The following DPYD variants were observed in gnomAD, a reference collection of about 807,000 sequenced individuals.
DPYD encodes the protein dihydropyrimidine dehydrogenase, also known as dihydropyrimidine dehydrogenase [NADP(+)].
DPYD carries 109 observed loss-of-function variants against 116.2 expected under a neutral mutation model. That is an observed-to-expected ratio of 0.94 (90% CI 0.80 to 1.10). DPYD has a LOEUF of 1.10. Among genes scored for constraint, DPYD ranks in the 50% least tolerant of loss-of-function variants. DPYD has a pLI of 0.00. For missense variants in DPYD, 1,302 were observed against 1,254.5 expected (o/e 1.04, Z -0.57); for synonymous variants, 440 against 432.0 (o/e 1.02, Z -0.23).
intron 14 of DPYD, among the ~76,000 whole-genome samples, chr1:97,412,379 C>T (rs545451216): frequency 7.9e-5 from 12 of 152,266 alleles, no homozygotes; most frequent in African/African-American, 2.9e-4. Flanking sequence ...TTCTAAGAAA[C>T]TACAATAAGG....
chr1:97,908,285 A>G (rs1184436242), intron 1 of DPYD, among the ~76,000 whole-genome samples: 2 of 151,990 alleles, frequency 1.3e-5, no homozygotes, highest in Non-Finnish European at 2.9e-5. Context: ...AGTTCAAACA[A>G]TCCACACCAC....
chr1:97,078,972 C>T lies in DPYD; in HGVS notation c.*4G>A. 2 of 1,613,538 alleles carry T rather than the reference C, an allele frequency of 1.2e-6. No homozygotes were observed. Among genetic ancestry groups the T allele is most frequent in the Non-Finnish European group, 1.7e-6 (2 of 1,179,564 alleles). ...AGTTCACAGCAACTGTTTCACAAAT[C>T]ACCTTAACACACCGGATTCACAGAT... On this transcript the variant is annotated 3_prime_UTR_variant, in exon 23 of 23. Coordinates refer to ENST00000370192, the MANE Select transcript of DPYD (RefSeq NM_000110.4).
chr1:97,661,990 CTTTTTTT>C (rs374466952), intron 8 of DPYD, among the ~76,000 whole-genome samples: 10 of 116,622 alleles, frequency 8.6e-5, no homozygotes, highest in African/African-American at 1.6e-4. Flanking sequence ...TCCAAGTCAA[CTTTTTTT>C]TTTTTTTTTT....
chr1:97,616,890 T>C (rs1656306691), intron 8 of DPYD, among the ~76,000 whole-genome samples: 1 of 152,172 alleles, frequency 6.6e-6, no homozygotes, highest in Non-Finnish European at 1.5e-5. Context: ...ATGAAAGTTT[T>C]ATTTCTTTTT....
rs576544756 is a variant in DPYD, at chr1:97,242,366, C to G, written c.2300-7372G>C. 4.0e-5 allele frequency among the ~76,000 whole-genome samples: 6 copies of G among 150,732 alleles called. No homozygotes were observed. The Middle Eastern group carries it at 0.014, about 349-fold the overall frequency. The stretch of plus-strand genomic sequence containing the variant: ...TTCCAGAAAACCTTTAAAATTGACA[C>G]GCAAATAGCTCTAATTTATAATGTT... On this transcript the variant is annotated intron_variant, in intron 18 of 22. Transcript: ENST00000370192.
At chr1:97,594,958 G>A in intron 9 of DPYD, 101 bp downstream of exon 9, 1 of 885,120 alleles carries the variant, frequency 1.1e-6, no homozygotes, top group Non-Finnish European at 1.8e-6. Context: ...AAGGTTGGGT[G>A]TGAGAGCTGA....
chr1:97,819,035 T>C (rs1160482413), intron 3 of DPYD, among the ~76,000 whole-genome samples: 1 of 152,016 alleles, frequency 6.6e-6, no homozygotes, highest in Non-Finnish European at 1.5e-5. Flanking sequence ...TTATGTAAAG[T>C]AATCATGCAC....
At chr1:97,778,675 AG>A (rs1374175095) in intron 3 of DPYD, among the ~76,000 whole-genome samples, 1 of 152,188 alleles carries the variant, frequency 6.6e-6, no homozygotes, top group Non-Finnish European at 1.5e-5. Flanking sequence ...CCATAACAAA[AG>A]GCATTTATTT....
intron 14 of DPYD, among the ~76,000 whole-genome samples, chr1:97,424,363 G>T (rs1674748699): frequency 6.6e-6 from 1 of 151,970 alleles, no homozygotes; most frequent in South Asian, 2.1e-4. Context: ...TTCACCTCCT[G>T]AATAGAAAAG....
intron 8 of DPYD, among the ~76,000 whole-genome samples, chr1:97,602,828 A>C (rs1316510381): frequency 1.3e-5 from 2 of 151,964 alleles, no homozygotes; most frequent in Non-Finnish European, 2.9e-5. Context: ...ATTTTATAAT[A>C]TTGCAATTTG....
intron 16 of DPYD, among the ~76,000 whole-genome samples, chr1:97,328,593 TA>T (rs1182516091): frequency 6.6e-6 from 1 of 152,148 alleles, no homozygotes; most frequent in African/African-American, 2.4e-5. Context: ...AACAGATGAA[TA>T]AATGAATACT....
chr1:97,515,618 T>C, intron 13 of DPYD, 108 bp downstream of exon 13: 1 of 965,884 alleles, frequency 1.0e-6, no homozygotes. Flanking sequence ...TCTTGTCAAA[T>C]AGTTTAATAA....
At chr1:97,469,151 A>G (rs1557733751) in intron 13 of DPYD, among the ~76,000 whole-genome samples, 1 of 152,162 alleles carries the variant, frequency 6.6e-6, no homozygotes, top group Non-Finnish European at 1.5e-5. Context: ...TATCCAGCTC[A>G]TTAGGAACAA....
intron 20 of DPYD, among the ~76,000 whole-genome samples, chr1:97,158,788 T>C (rs1655676618): frequency 6.6e-6 from 1 of 152,112 alleles, no homozygotes; most frequent in Non-Finnish European, 1.5e-5. Flanking sequence ...GCATATGTAT[T>C]CTACCCAAAT....
At chr1:97,499,240 T>C (rs1180723889) in intron 13 of DPYD, among the ~76,000 whole-genome samples, 1 of 151,784 alleles carries the variant, frequency 6.6e-6, no homozygotes, top group African/African-American at 2.4e-5. Context: ...GTAAATTTGG[T>C]AAATTCATTT....
At chr1:97,857,199 T>C (rs533584854) in intron 2 of DPYD, among the ~76,000 whole-genome samples, 2 of 152,296 alleles carry the variant, frequency 1.3e-5, no homozygotes, top group South Asian at 2.1e-4. Context: ...ATGGAGTATA[T>C]GTCTTAAAAG....
chr1:97,180,035 C>A (rs1445335902), intron 20 of DPYD, among the ~76,000 whole-genome samples: 2 of 152,094 alleles, frequency 1.3e-5, no homozygotes, highest in Non-Finnish European at 2.9e-5. Flanking sequence ...TTCCTAAGCT[C>A]CCAGGGTTTT....
chr1:97,130,570 C>T (rs2101665922), intron 20 of DPYD, among the ~76,000 whole-genome samples: 1 of 152,254 alleles, frequency 6.6e-6, no homozygotes, highest in Non-Finnish European at 1.5e-5. Context: ...CTTACATACA[C>T]ATAGATACTA....
rs71939887 is a variant in DPYD at position 97,349,945 on chromosome 1, C to CAAAAA, written c.2058+23611_2058+23615dup. ...AAGTGGCAATGATTCTAAAAGAATC[C>CAAAAA]AAAAAAAAAAAAAATGCTGCAGATT... On this transcript the variant is annotated intron_variant, in intron 16 of 22. Transcript: ENST00000370192. Among the ~76,000 whole-genome samples the CAAAAA allele has an allele frequency of 3.6e-3, 491 of 134,710 alleles. 3 individuals are homozygous for CAAAAA. The highest frequency in any genetic ancestry group is 9.9e-3 in the African/African-American group (359 of 36,322). 88.4% of individuals were successfully genotyped at this position (134,710 alleles called of 152,430 possible).
Sources: allele counts gnomAD v4.1 joint callset (sites outside exome capture counted in the v4.1 genomes callset), GRCh38; gene constraint gnomAD v4.1.1; transcripts MANE v1.5; gene names NCBI Gene and HGNC (gene_info 2026-07-23, HGNC 2026-07-21).